TNFRSF10D: variants seen among roughly 807,000 people sequenced by gnomAD.
TNFRSF10D encodes TNF receptor superfamily member 10d, also known as tumor necrosis factor receptor superfamily member 10D.
TNFRSF10D carries 28 observed loss-of-function variants against 42.1 expected under a neutral mutation model. The observed-to-expected ratio is 0.66, with a 90% CI of 0.49 to 0.91. TNFRSF10D has a LOEUF of 0.91. Among genes scored for constraint, TNFRSF10D ranks in the 40% least tolerant of loss-of-function variants. The probability of loss-of-function intolerance (pLI) is 0.00; values close to 1 mark genes in which losing one functional copy is unlikely to be tolerated. For synonymous variants in TNFRSF10D, 186 were observed against 189.4 expected (o/e 0.98, Z 0.15); for missense variants, 503 against 486.1 (o/e 1.03, Z -0.33).
At position 23,148,960 on chromosome 8, in the gene TNFRSF10D, G is replaced by C. The variant is rs533948052; in HGVS notation, c.257-409C>G. ...AATCCCAGTACTTAGGGAGGCCAAG[G>C]CGGACGAATCACGAGGTCAGGAGAT... On this transcript the variant is annotated intron_variant, in intron 2 of 8. Coordinates refer to ENST00000312584, the MANE Select transcript of TNFRSF10D (RefSeq NM_003840.5). 3.5e-3 allele frequency among the ~76,000 whole-genome samples: 528 copies of C among 151,802 alleles called. 5 individuals carry two copies. The highest frequency in any genetic ancestry group is 4.3e-3 in the Non-Finnish European group (291 of 67,968).
Position 23,137,813 on chromosome 8 carries a change from T to C in TNFRSF10D, c.*57A>G. ...ACTGGACTGTTTCTTCCAGGCTGCT[T>C]CCCTTTGTAGGAGAAAAGGTAAATG... On this transcript the variant is annotated 3_prime_UTR_variant, in exon 9 of 9. Transcript: ENST00000312584. 1 of 1,573,836 alleles carries C rather than the reference T, an allele frequency of 6.4e-7. No individual in the cohort carries two copies. The highest frequency in any genetic ancestry group is 8.6e-7 in the Non-Finnish European group (1 of 1,163,248).
At chr8:23,158,272 G>A (rs775418103) in intron 1 of TNFRSF10D, among the ~76,000 whole-genome samples, 1 of 152,184 alleles carries the variant, frequency 6.6e-6, no homozygotes, top group African/African-American at 2.4e-5. Context: ...AAGAGCTGAA[G>A]GTGCTGTGGA....
At chr8:23,155,636 G>A (rs548298042) in intron 1 of TNFRSF10D, among the ~76,000 whole-genome samples, 82 of 151,852 alleles carry the variant, frequency 5.4e-4, no homozygotes, top group African/African-American at 1.9e-3. Flanking sequence ...GGAGAACGGC[G>A]TGAACCCAGG....
At chr8:23,146,004 C>T in intron 4 of TNFRSF10D, 83 bp from the exon 5 acceptor site, 1 of 1,596,968 alleles carries the variant, frequency 6.3e-7, no homozygotes, top group South Asian at 1.1e-5. Flanking sequence ...CCTCCCTGCC[C>T]AAAGTCCCTG....
At chr8:23,148,056 C>T (rs546670074) in intron 3 of TNFRSF10D, among the ~76,000 whole-genome samples, 98 of 124,254 alleles carry the variant, frequency 7.9e-4, no homozygotes, top group African/African-American at 3.0e-3. Context: ...CAGAACGAGA[C>T]TCCGTCTCCC....
chr8:23,160,806 G>A (rs967684783), intron 1 of TNFRSF10D, among the ~76,000 whole-genome samples: 1 of 152,214 alleles, frequency 6.6e-6, no homozygotes, highest in African/African-American at 2.4e-5. Context: ...CAGCCACCTG[G>A]ATGGAGACCT....
chr8:23,161,623 C>A (rs1407721677), intron 1 of TNFRSF10D, among the ~76,000 whole-genome samples: 1 of 152,256 alleles, frequency 6.6e-6, no homozygotes, highest in Non-Finnish European at 1.5e-5. Flanking sequence ...CGGTCATCTA[C>A]TCCCACTACC....
intron 6 of TNFRSF10D, 149 bp downstream of exon 6, chr8:23,144,909 T>C (rs1585259332): frequency 1.6e-6 from 2 of 1,232,456 alleles, no homozygotes; most frequent in Admixed American, 3.7e-5. Context: ...TGGCCGTGTG[T>C]CCCCCACAGT....
Position 23,148,447 on chromosome 8 carries a change from A to G in TNFRSF10D, c.361T>C (p.Cys121Arg). The G allele has an allele frequency of 6.2e-7, 1 of 1,608,518 alleles. No individual in the cohort carries two copies. The highest frequency in any genetic ancestry group is 2.2e-5 in the East Asian group (1 of 44,704). ...NLPSCLLCTV[C>R]KSGQTNKSSC... is the part of the protein sequence containing the mutation. ...TCCACACATTCTGTACCTGATTTAC[A>G]AACTGTACATAGCAGGCAAGAAGGC... Residue 121 changes from cysteine (C) to arginine (R), a missense_variant, in exon 3 of 9, where the codon TGT becomes CGT. Transcript: ENST00000312584.
intron 1 of TNFRSF10D, among the ~76,000 whole-genome samples, chr8:23,161,751 G>A (rs1017973018): frequency 1.3e-5 from 2 of 152,244 alleles, no homozygotes; most frequent in Non-Finnish European, 2.9e-5. Context: ...GTGTAACAAG[G>A]GTGTAGGGAT....
chr8:23,154,993 G>A lies in TNFRSF10D; in HGVS notation c.151-14C>T, dbSNP rs754878547. 2.5e-6 allele frequency: 4 copies of A among 1,593,996 alleles called. No individual in the cohort carries two copies. Among genetic ancestry groups the A allele is most frequent in the South Asian group, 2.3e-5 (2 of 88,770 alleles). ...GTCAACCCGGACCTGTGGGGACAAGGCAGAGATGGGCTTGAGTGGCTTCCA... is the reference window on the plus strand; with the variant it reads ...GTCAACCCGGACCTGTGGGGACAAGACAGAGATGGGCTTGAGTGGCTTCCA... On this transcript the variant is annotated splice_polypyrimidine_tract_variant and intron_variant, in intron 1 of 8. Transcript: ENST00000312584.
At chr8:23,141,218 C>G (rs569008611) in intron 7 of TNFRSF10D, among the ~76,000 whole-genome samples, 1 of 152,252 alleles carries the variant, frequency 6.6e-6, no homozygotes, top group Non-Finnish European at 1.5e-5. Context: ...AAGAAACTCT[C>G]CACAGGCCGG....
chr8:23,140,887 A>T (rs548538769), intron 7 of TNFRSF10D, among the ~76,000 whole-genome samples: 61 of 152,312 alleles, frequency 4.0e-4, no homozygotes, highest in African/African-American at 1.4e-3. Context: ...CCCAGTCTCA[A>T]GTATTTCTTC....
chr8:23,145,618 G>A (rs746823159), intron 5 of TNFRSF10D, 50 bp downstream of exon 5: 1 of 1,610,686 alleles, frequency 6.2e-7, no homozygotes, highest in Admixed American at 1.7e-5. Context: ...CGGAGTGGGA[G>A]AGGGCAGGGC....
chr8:23,144,911 C>A, intron 6 of TNFRSF10D, 147 bp downstream of exon 6: 1 of 1,254,494 alleles, frequency 8.0e-7, no homozygotes, highest in Non-Finnish European at 1.2e-6. Flanking sequence ...GCCGTGTGTC[C>A]CCCACAGTCA....
rs559659420 is a variant in TNFRSF10D, at chr8:23,139,339, T to C, written c.955-1079A>G. Among the ~76,000 whole-genome samples, 59 of 152,266 alleles carry C rather than the reference T, an allele frequency of 3.9e-4. 2 individuals are homozygous for C. The South Asian group carries it at 0.012, about 32-fold the overall frequency. Reference sequence around the variant, plus strand: ...GAATATTAATAAAATATTCAGTGTTTCTAGATTAATTTTTAATTTTAAAGC... The same window carrying C: ...GAATATTAATAAAATATTCAGTGTTCCTAGATTAATTTTTAATTTTAAAGC... On this transcript the variant is annotated intron_variant, in intron 7 of 8. Coordinates refer to ENST00000312584, the MANE Select transcript of TNFRSF10D (RefSeq NM_003840.5).
At chr8:23,139,917 A>G (rs1406150933) in intron 7 of TNFRSF10D, among the ~76,000 whole-genome samples, 2 of 152,024 alleles carry the variant, frequency 1.3e-5, no homozygotes, top group African/African-American at 2.4e-5. Flanking sequence ...AGGCCGAGGC[A>G]GGCGGATCAC....
intron 1 of TNFRSF10D, among the ~76,000 whole-genome samples, chr8:23,155,420 T>G (rs1173866610): frequency 6.6e-6 from 1 of 151,816 alleles, no homozygotes; most frequent in Non-Finnish European, 1.5e-5. Context: ...CAAGAAAAGA[T>G]TTTATAAGAA....
intron 4 of TNFRSF10D, among the ~76,000 whole-genome samples, chr8:23,146,754 G>C (rs1352808165): frequency 6.6e-6 from 1 of 152,030 alleles, no homozygotes; most frequent in Non-Finnish European, 1.5e-5. Flanking sequence ...TGCTGGGGAG[G>C]GTATGGGAAG....
Sources: allele counts gnomAD v4.1 joint callset (sites outside exome capture counted in the v4.1 genomes callset), GRCh38; gene constraint gnomAD v4.1.1; transcripts MANE v1.5; gene names NCBI Gene and HGNC (gene_info 2026-07-23, HGNC 2026-07-21).